The following CCDC69 variants were observed in gnomAD, a reference collection of about 807,000 sequenced individuals.
The protein encoded by CCDC69 is coiled-coil domain containing 69.
In CCDC69, 38 loss-of-function variants were observed where a neutral mutation model predicts 40.3. The ratio of observed to expected loss-of-function variants is 0.94; its 90% CI spans 0.73 to 1.24. CCDC69 has a LOEUF of 1.24. Among genes scored for constraint, CCDC69 ranks in the 50% most tolerant of loss-of-function variants. The probability of loss-of-function intolerance (pLI) is 0.00; values close to 1 mark genes in which losing one functional copy is unlikely to be tolerated. For missense variants in CCDC69, 389 were observed against 357.9 expected (o/e 1.09, Z -0.70); for synonymous variants, 141 against 138.9 (o/e 1.02, Z -0.11).
intron 2 of CCDC69, among the ~76,000 whole-genome samples, chr5:151,203,281 G>A (rs1752801270): frequency 6.6e-6 from 1 of 151,878 alleles, no homozygotes; most frequent in African/African-American, 2.4e-5. Flanking sequence ...AGGCCGAGGT[G>A]AGCAGATCAC....
At chr5:151,220,413 G>A (rs152265) in intron 1 of CCDC69, among the ~76,000 whole-genome samples, 116,669 of 152,172 alleles carry the variant, frequency 0.77, 45,942 homozygotes, top group East Asian at 1. Flanking sequence ...CATGTAGTCA[G>A]GACTGAACCA....
chr5:151,215,950 G>C (rs1753031636), intron 1 of CCDC69, among the ~76,000 whole-genome samples: 2 of 152,162 alleles, frequency 1.3e-5, no homozygotes, highest in Non-Finnish European at 2.9e-5. Flanking sequence ...AGATGGAAAG[G>C]CATTTGGTAA....
intron 4 of CCDC69, among the ~76,000 whole-genome samples, chr5:151,192,165 G>A (rs1385635204): frequency 1.6e-5 from 2 of 123,932 alleles, no homozygotes; most frequent in African/African-American, 3.0e-5. Flanking sequence ...GCACACAGAA[G>A]GAAGGAAATG....
At chr5:151,207,392 C>T (rs1331712853) in intron 1 of CCDC69, among the ~76,000 whole-genome samples, 8 of 152,004 alleles carry the variant, frequency 5.3e-5, no homozygotes, top group South Asian at 4.2e-4. Context: ...CCTGGGTTCA[C>T]GCCATTCTCC....
At chr5:151,185,994 G>A (rs746443913) in intron 6 of CCDC69, 29 bp downstream of exon 6, 2 of 1,531,004 alleles carry the variant, frequency 1.3e-6, no homozygotes, top group South Asian at 2.2e-5. Context: ...GATTCAAGGA[G>A]GAAAAGCGCC....
chr5:151,211,722 C>T (rs949041491), intron 1 of CCDC69, among the ~76,000 whole-genome samples: 76 of 152,030 alleles, frequency 5.0e-4, no homozygotes, highest in African/African-American at 1.7e-3. Flanking sequence ...CGGGGTTTCA[C>T]CATGTTGGCC....
At chr5:151,184,291 A>C (rs946393402) in intron 8 of CCDC69, 53 bp downstream of exon 8, 5 of 1,394,290 alleles carry the variant, frequency 3.6e-6, no homozygotes, top group Non-Finnish European at 5.1e-6. Flanking sequence ...CCCAGCTGGG[A>C]ATTTTGGCAA....
At chr5:151,190,736 A>G (rs575199600) in intron 4 of CCDC69, among the ~76,000 whole-genome samples, 2 of 151,666 alleles carry the variant, frequency 1.3e-5, no homozygotes, top group African/African-American at 2.4e-5. Context: ...AGTAACCATT[A>G]AAAAAAATAC....
chr5:151,184,573 A>G (rs1445036527), intron 7 of CCDC69, 132 bp from the exon 8 acceptor site: 1 of 581,254 alleles, frequency 1.7e-6, no homozygotes, highest in Non-Finnish European at 3.1e-6. Flanking sequence ...TCATGGAGCA[A>G]TAAGGTAACT....
intron 1 of CCDC69, among the ~76,000 whole-genome samples, chr5:151,207,730 C>T (rs1752872671): frequency 6.6e-6 from 1 of 152,192 alleles, no homozygotes; most frequent in African/African-American, 2.4e-5. Context: ...CACTCGCTCA[C>T]ACCATCATTT....
chr5:151,186,269 T>G lies in CCDC69; in HGVS notation c.394-145A>C. On this transcript the variant is annotated intron_variant, in intron 5 of 8. Transcript: ENST00000355417. ...ACATGACAATGCAACATCAACATACTTCGACCACTGCTTGAGATCTACCAG... is the reference window on the plus strand; with the variant it reads ...ACATGACAATGCAACATCAACATACGTCGACCACTGCTTGAGATCTACCAG... 13 of 651,696 alleles carry G rather than the reference T, an allele frequency of 2.0e-5. No individual in the cohort carries two copies. In the East Asian group the frequency reaches 2.5e-4, roughly 12 times the overall value. 40.4% of individuals were successfully genotyped at this position (651,696 alleles called of 1,614,324 possible).
At chr5:151,205,535 G>T in intron 1 of CCDC69, 60 bp from the exon 2 acceptor site, 5 of 1,406,054 alleles carry the variant, frequency 3.6e-6, no homozygotes, top group South Asian at 1.2e-5. Context: ...ATGCGAGGAC[G>T]GGCTGCTATA....
At chr5:151,195,146 A>G (rs1246597540) in intron 4 of CCDC69, among the ~76,000 whole-genome samples, 1 of 152,238 alleles carries the variant, frequency 6.6e-6, no homozygotes, top group African/African-American at 2.4e-5. Flanking sequence ...AGCACTTAGT[A>G]TGTGCCAAAC....
intron 1 of CCDC69, chr5:151,215,626 A>G (rs1455802624): frequency 2.4e-6 from 1 of 424,644 alleles, no homozygotes. Context: ...AGCCCTCCAC[A>G]CCATCCCCTG....
chr5:151,192,087 G>GA (rs34310340), intron 4 of CCDC69, among the ~76,000 whole-genome samples: 10,304 of 38,826 alleles, frequency 0.27, 1,157 homozygotes, highest in Middle Eastern at 0.37. Flanking sequence ...CCTGTCTCAG[G>GA]AAAAAAAAAA....
In CCDC69 at chr5:151,185,542, C is replaced by T. The variant is rs1350143791; in HGVS notation, c.496-1G>A. ...AGAACTGGCTGGGGCTCCCATAATC[C>T]TAGACAGGGACAGAGTGACCTCATT... On this transcript the variant is annotated splice_acceptor_variant, in intron 6 of 8. Coordinates refer to ENST00000355417, the MANE Select transcript of CCDC69 (RefSeq NM_015621.3). LOFTEE classifies it high-confidence loss of function. The T allele has an allele frequency of 2.5e-6, 4 of 1,613,766 alleles. No homozygotes were observed. Among genetic ancestry groups the T allele is most frequent in the Non-Finnish European group, 3.4e-6 (4 of 1,179,872 alleles).
In CCDC69 at chr5:151,182,754, C is replaced by G; in HGVS notation, c.*683G>C. ...GGAAGAGGAGCTCTGGCTACTGTCC[C>G]TTGGTGGACACGACTCTGGCCCAGG... On this transcript the variant is annotated 3_prime_UTR_variant, in exon 9 of 9. Transcript: ENST00000355417. The G allele has an allele frequency of 3.1e-6, 1 of 322,734 alleles. No individual in the cohort carries two copies. Among genetic ancestry groups the G allele is most frequent in the Non-Finnish European group, 6.1e-6 (1 of 162,742 alleles). The allele number at this position is 322,734 out of a possible 1,614,324, so 20.0% of individuals were successfully genotyped here. A position where few individuals can be genotyped will look rare whatever the true frequency, so the allele number is the denominator to read the frequency against.
intron 1 of CCDC69, among the ~76,000 whole-genome samples, chr5:151,213,603 C>T (rs1301993270): frequency 6.6e-6 from 1 of 152,154 alleles, no homozygotes; most frequent in Non-Finnish European, 1.5e-5. Context: ...TAGGCAGAAG[C>T]AACTTGGATA....
intron 1 of CCDC69, among the ~76,000 whole-genome samples, chr5:151,220,151 C>T (rs574599862): frequency 1.3e-5 from 2 of 152,294 alleles, no homozygotes; most frequent in East Asian, 1.9e-4. Context: ...TCCCACGTCC[C>T]GGGGTACTTT....
Sources: gnomAD v4.1 joint callset for allele counts (sites outside exome capture counted in the v4.1 genomes callset) on GRCh38, gnomAD v4.1.1 for gene constraint, MANE v1.5 for transcripts, NCBI Gene and HGNC (gene_info 2026-07-23, HGNC 2026-07-21) for gene names.